ANXA6: variants seen among roughly 807,000 people sequenced by gnomAD.
The protein encoded by ANXA6 is annexin A6.
ANXA6 carries 71 observed loss-of-function variants against 95.4 expected under a neutral mutation model. The observed-to-expected ratio is 0.74, with a 90% CI of 0.61 to 0.91. ANXA6 has a LOEUF of 0.91. ANXA6 is among the 40% of genes least tolerant of loss of function. The pLI, the probability that ANXA6 is intolerant of heterozygous loss-of-function variation, is 0.00. For synonymous variants in ANXA6, 289 were observed against 315.9 expected (o/e 0.91, Z 0.90); for missense variants, 830 against 876.4 (o/e 0.95, Z 0.67).
chr5:151,146,657 G>A (rs1332203105), intron 2 of ANXA6, among the ~76,000 whole-genome samples: 2 of 152,132 alleles, frequency 1.3e-5, no homozygotes, highest in Non-Finnish European at 2.9e-5. Flanking sequence ...AAGGGACAAC[G>A]GGGCCCAGTC....
At position 151,101,330 on chromosome 5, in the gene ANXA6, A is replaced by ACCCCCCCCCCCCCCCCCC; in HGVS notation, c.*117_*118insGGGGGGGGGGGGGGGGGG. The ACCCCCCCCCCCCCCCCCC allele has an allele frequency of 1.6e-5, 6 of 385,868 alleles. No homozygotes were observed. Among genetic ancestry groups the ACCCCCCCCCCCCCCCCCC allele is most frequent in the South Asian group, 3.8e-5 (2 of 52,342 alleles). The allele number at this position is 385,868 out of a possible 1,614,324, so 23.9% of individuals were successfully genotyped here. On this transcript the variant is annotated 3_prime_UTR_variant, in exon 26 of 26. Coordinates refer to ENST00000354546, the MANE Select transcript of ANXA6 (RefSeq NM_001155.5). ...CCACTGAAGATAAGAGCCCAACCCA[A>ACCCCCCCCCCCCCCCCCC]CCCCTCCCCCCACCCCTGCCCCTTC...
intron 13 of ANXA6, among the ~76,000 whole-genome samples, chr5:151,126,792 C>T (rs1484868233): frequency 2.0e-5 from 3 of 152,324 alleles, no homozygotes; most frequent in East Asian, 1.9e-4. Flanking sequence ...TCTCAGCTCA[C>T]TGCAACCTCT....
At chr5:151,152,433 G>A (rs1368676200) in intron 1 of ANXA6, among the ~76,000 whole-genome samples, 5 of 152,126 alleles carry the variant, frequency 3.3e-5, no homozygotes, top group Non-Finnish European at 5.9e-5. Flanking sequence ...CAGTAACTTG[G>A]GCAAGTTATG....
intron 22 of ANXA6, 28 bp from the exon 23 acceptor site, chr5:151,108,578 G>A (rs1309520715): frequency 1.0e-5 from 16 of 1,603,954 alleles, no homozygotes; most frequent in Non-Finnish European, 1.4e-5. Flanking sequence ...CCCAGAGGTG[G>A]GGGTGAGCTT....
intron 8 of ANXA6, 78 bp from the exon 9 acceptor site, chr5:151,133,265 T>A (rs1016247470): frequency 1.1e-6 from 1 of 944,136 alleles, no homozygotes; most frequent in Non-Finnish European, 1.7e-6. Context: ...CACTCAGAAC[T>A]GCTGCCTGAT....
intron 20 of ANXA6, among the ~76,000 whole-genome samples, chr5:151,113,553 A>G (rs2113903092): frequency 6.6e-6 from 1 of 152,338 alleles, no homozygotes; most frequent in South Asian, 2.1e-4. Context: ...AAGAATCCAA[A>G]GTCCCAATTG....
At chr5:151,153,655 GGTCA>G (rs1156244537) in intron 1 of ANXA6, among the ~76,000 whole-genome samples, 3 of 152,198 alleles carry the variant, frequency 2.0e-5, no homozygotes, top group African/African-American at 4.8e-5. Context: ...TGATTTTACA[GGTCA>G]GTAAGTTGCA....
chr5:151,131,109 A>C, intron 11 of ANXA6, 122 bp downstream of exon 11: 1 of 997,314 alleles, frequency 1.0e-6, no homozygotes. Flanking sequence ...GAGCACCTTC[A>C]CCAGGGTCAG....
intron 1 of ANXA6, among the ~76,000 whole-genome samples, chr5:151,152,020 C>T (rs538135197): frequency 3.3e-5 from 5 of 152,248 alleles, no homozygotes; most frequent in Non-Finnish European, 5.9e-5. Flanking sequence ...TTTCCTCCTT[C>T]CCCTTCGAGA....
At chr5:151,116,034 C>T (rs80182937) in intron 20 of ANXA6, among the ~76,000 whole-genome samples, 1,777 of 152,274 alleles carry the variant, frequency 0.012, 24 homozygotes, top group African/African-American at 0.039. Context: ...AACATAAAAA[C>T]GTATAGAATA....
At chr5:151,142,386 G>A (rs1410157332) in intron 2 of ANXA6, among the ~76,000 whole-genome samples, 2 of 152,090 alleles carry the variant, frequency 1.3e-5, no homozygotes, top group Non-Finnish European at 2.9e-5. Flanking sequence ...GCTGGGTCAG[G>A]AGAATCACTT....
chr5:151,101,574 C>G lies in ANXA6; in HGVS notation c.1963-67G>C. 5 of 1,404,458 alleles carry G rather than the reference C, an allele frequency of 3.6e-6. No homozygotes were observed. In the South Asian group the frequency reaches 6.2e-5, roughly 17 times the overall value. 87.0% of individuals were successfully genotyped at this position (1,404,458 alleles called of 1,614,324 possible). On this transcript the variant is annotated intron_variant, in intron 25 of 25. Coordinates refer to ENST00000354546, the MANE Select transcript of ANXA6 (RefSeq NM_001155.5). ...CAGTCTCAATGCCCCCTCCTCCCGG[C>G]TGCCCATCTGTCTGGACATCTCCCT...
chr5:151,107,669 G>T (rs1158117105), intron 23 of ANXA6, among the ~76,000 whole-genome samples: 1 of 152,222 alleles, frequency 6.6e-6, no homozygotes, highest in Non-Finnish European at 1.5e-5. Flanking sequence ...TATAGTAAAT[G>T]AAACAAGATA....
intron 25 of ANXA6, among the ~76,000 whole-genome samples, 177 bp downstream of exon 25, chr5:151,103,393 C>T (rs35120264): frequency 0.026 from 3,901 of 152,234 alleles, 65 homozygotes; most frequent in South Asian, 0.074. Context: ...ACCTTTGATT[C>T]TTTTGGAATT....
At chr5:151,140,031 C>A (rs1311740917) in intron 3 of ANXA6, 122 bp downstream of exon 3, 12 of 679,744 alleles carry the variant, frequency 1.8e-5, no homozygotes, top group Non-Finnish European at 2.6e-5. Context: ...AAAGAGGAGA[C>A]CAAAAAAATG....
chr5:151,124,523 C>T (rs2113919710), intron 14 of ANXA6, among the ~76,000 whole-genome samples, 156 bp from the exon 15 acceptor site: 1 of 151,004 alleles, frequency 6.6e-6, no homozygotes, highest in African/African-American at 2.4e-5. Flanking sequence ...GCAGACAGAC[C>T]CTGCACGAGA....
intron 20 of ANXA6, among the ~76,000 whole-genome samples, chr5:151,116,618 T>G (rs966703516): frequency 1.3e-5 from 2 of 152,348 alleles, no homozygotes; most frequent in African/African-American, 4.8e-5. Context: ...CATGTGTTAC[T>G]TTGGATATAT....
chr5:151,139,015 T>A (rs1044465888), intron 4 of ANXA6: 109 of 602,090 alleles, frequency 1.8e-4, no homozygotes, highest in African/African-American at 1.7e-3. Context: ...CTATGCAGGG[T>A]CAGGTCCACA....
intron 2 of ANXA6, among the ~76,000 whole-genome samples, chr5:151,141,987 C>T (rs1027138749): frequency 4.6e-5 from 7 of 152,226 alleles, no homozygotes; most frequent in African/African-American, 1.7e-4. Context: ...GAGCAGATAC[C>T]AGATCCATCT....
Sources: allele counts gnomAD v4.1 joint callset (sites outside exome capture counted in the v4.1 genomes callset), GRCh38; gene constraint gnomAD v4.1.1; transcripts MANE v1.5; gene names NCBI Gene and HGNC (gene_info 2026-07-23, HGNC 2026-07-21).